The following FBXO38 variants were observed in gnomAD, a reference collection of about 807,000 sequenced individuals.
FBXO38 encodes the protein F-box only protein 38.
In FBXO38, 53 loss-of-function variants were observed where a neutral mutation model predicts 131.9. That is an observed-to-expected ratio of 0.40 (90% CI 0.32 to 0.51). The LOEUF (loss-of-function observed/expected upper bound fraction) is 0.51, where lower values mean the gene tolerates loss of function less well. FBXO38 is among the 20% of genes least tolerant of loss of function. The probability of loss-of-function intolerance (pLI) is 0.53; values close to 1 mark genes in which losing one functional copy is unlikely to be tolerated. For missense variants in FBXO38, 1,076 were observed against 1,475.6 expected (o/e 0.73, Z 4.44); for synonymous variants, 452 against 505.6 (o/e 0.89, Z 1.42).
At chr5:148,406,187 C>G in intron 6 of FBXO38, 70 bp from the exon 7 acceptor site, 1 of 1,398,190 alleles carries the variant, frequency 7.2e-7, no homozygotes, top group Non-Finnish European at 9.6e-7. Context: ...TTATACATGT[C>G]TTTCACTGAT....
chr5:148,400,098 GTA>G (rs1752056388), intron 3 of FBXO38, among the ~76,000 whole-genome samples: 4 of 151,674 alleles, frequency 2.6e-5, no homozygotes, highest in Admixed American at 6.6e-5. Flanking sequence ...GCTGGCCATA[GTA>G]GTTATCAATA....
intron 2 of FBXO38, among the ~76,000 whole-genome samples, chr5:148,396,359 C>T (rs1200570976): frequency 6.6e-6 from 1 of 152,054 alleles, no homozygotes; most frequent in African/African-American, 2.4e-5. Flanking sequence ...AACATAGGCT[C>T]CATTCAAATA....
chr5:148,406,183 A>G (rs548860474), intron 6 of FBXO38, 74 bp from the exon 7 acceptor site: 1 of 1,371,070 alleles, frequency 7.3e-7, no homozygotes, highest in South Asian at 1.5e-5. Flanking sequence ...TAAGTTATAC[A>G]TGTCTTTCAC....
chr5:148,385,276 TCTTTGTTTAAATGGCTGTGTGCCC>T (rs1757850686), intron 1 of FBXO38, among the ~76,000 whole-genome samples: 1 of 152,228 alleles, frequency 6.6e-6, no homozygotes, highest in Non-Finnish European at 1.5e-5. Flanking sequence ...TTTGTGTGCC[TCTTTGTTTAAATGGCTGTGTGCCC>T]AGAGGTACAC....
rs930259668 is a variant in FBXO38 at position 148,385,334 on chromosome 5, A to G, written c.-64+1295A>G. ...ACACTTTATATTTAGTCAAACAGAT[A>G]CTAATGCATAGCAGAGGAGAAAAAG... On this transcript the variant is annotated intron_variant, in intron 1 of 21. Coordinates refer to ENST00000340253, the MANE Select transcript of FBXO38 (RefSeq NM_205836.3). Among the ~76,000 whole-genome samples, 5 of 152,206 alleles carry G rather than the reference A, an allele frequency of 3.3e-5. No individual in the cohort carries two copies. In the East Asian group the frequency reaches 5.8e-4, roughly 18 times the overall value.
intron 12 of FBXO38, 78 bp from the exon 13 acceptor site, chr5:148,423,920 G>C (rs909307047): frequency 9.5e-6 from 13 of 1,374,804 alleles, no homozygotes; most frequent in Non-Finnish European, 1.2e-5. Context: ...TCAGTTCTTA[G>C]GGCGGCCACA....
At chr5:148,439,113 G>A (rs1754521865) in intron 18 of FBXO38, among the ~76,000 whole-genome samples, 1 of 152,036 alleles carries the variant, frequency 6.6e-6, no homozygotes, top group Non-Finnish European at 1.5e-5. Context: ...TTCCCTCAAG[G>A]AGTTTGCCTT....
intron 17 of FBXO38, among the ~76,000 whole-genome samples, chr5:148,437,194 C>G (rs1754390848): frequency 6.6e-6 from 1 of 152,238 alleles, no homozygotes; most frequent in Non-Finnish European, 1.5e-5. Flanking sequence ...AATTGTTTGG[C>G]TCAGCTTATC....
intron 9 of FBXO38, among the ~76,000 whole-genome samples, chr5:148,411,295 AC>A (rs1752736232): frequency 6.6e-6 from 1 of 152,168 alleles, no homozygotes; most frequent in Non-Finnish European, 1.5e-5. Context: ...GCATTTTCTT[AC>A]CCATTTACAA....
chr5:148,419,339 T>TAC (rs1554080769), intron 12 of FBXO38, among the ~76,000 whole-genome samples: 4 of 151,764 alleles, frequency 2.6e-5, no homozygotes, highest in East Asian at 3.9e-4. Flanking sequence ...TAAACATGTA[T>TAC]ACACACACAC....
In FBXO38 at chr5:148,419,389, G is replaced by T. The variant is rs573789267; in HGVS notation, c.1618+2185G>T. On this transcript the variant is annotated intron_variant, in intron 12 of 21. Coordinates refer to ENST00000340253, the MANE Select transcript of FBXO38 (RefSeq NM_205836.3). Reference sequence around the variant, plus strand: ...CATATAAGTTAGATTTTTTTTTCCCGCAAACTAAGGAACTAGAAAAAGACT... The same window carrying T: ...CATATAAGTTAGATTTTTTTTTCCCTCAAACTAAGGAACTAGAAAAAGACT... 4.6e-5 allele frequency among the ~76,000 whole-genome samples: 7 copies of T among 151,514 alleles called. No individual in the cohort carries two copies. In the East Asian group the frequency reaches 1.2e-3, roughly 25 times the overall value.
intron 2 of FBXO38, 103 bp downstream of exon 2, chr5:148,395,007 A>G: frequency 8.6e-7 from 1 of 1,161,990 alleles, no homozygotes; most frequent in Non-Finnish European, 1.2e-6. Flanking sequence ...CAGCATTTAC[A>G]TTTCAATTAA....
Position 148,427,440 on chromosome 5 carries a change from A to G in FBXO38, c.2146A>G (p.Ser716Gly), listed in dbSNP as rs150893158. Residue 716 changes from serine to glycine, a missense_variant, in exon 15 of 22, where the codon AGC (serine) becomes GGC (glycine). Coordinates refer to ENST00000340253, the MANE Select transcript of FBXO38 (RefSeq NM_205836.3). Reference sequence around the variant, plus strand: ...CACCGCCAGCACAGTGGGAAACTCCAGCTCACACAACACTGCTTCTCAAAG... The same window carrying G: ...CACCGCCAGCACAGTGGGAAACTCCGGCTCACACAACACTGCTTCTCAAAG... ...STTASTVGNS[S>G]SHNTASQSPD... is the part of the protein sequence containing the mutation. The G allele has an allele frequency of 5.6e-4, 912 of 1,614,202 alleles. 4 individuals carry two copies. The highest frequency in any genetic ancestry group is 4.8e-3 in the Middle Eastern group (29 of 6,062).
intron 12 of FBXO38, 111 bp downstream of exon 12, chr5:148,417,315 T>A: frequency 2.5e-6 from 2 of 792,228 alleles, no homozygotes; most frequent in Non-Finnish European, 4.2e-6. Context: ...ACTTTCCACA[T>A]TGAGGAAAGC....
At chr5:148,389,838 G>A (rs1328405682) in intron 1 of FBXO38, 3 of 152,218 alleles carry the variant, frequency 2.0e-5, no homozygotes, top group Non-Finnish European at 4.4e-5. Flanking sequence ...ATAGCAGTCT[G>A]GCCAACATGG....
chr5:148,402,228 G>A, intron 4 of FBXO38, 83 bp downstream of exon 4: 2 of 1,548,694 alleles, frequency 1.3e-6, no homozygotes, highest in Non-Finnish European at 1.8e-6. Flanking sequence ...TCACTCACAT[G>A]CAAATCTCAT....
chr5:148,438,571 T>C (rs1754485878), intron 18 of FBXO38, 73 bp downstream of exon 18: 1 of 1,511,134 alleles, frequency 6.6e-7, no homozygotes, highest in Non-Finnish European at 8.9e-7. Context: ...TGTTAGTCTT[T>C]AGCCTTTTGG....
At chr5:148,421,862 G>C (rs986349453) in intron 12 of FBXO38, among the ~76,000 whole-genome samples, 1 of 151,988 alleles carries the variant, frequency 6.6e-6, no homozygotes, top group African/African-American at 2.4e-5. Flanking sequence ...TAGCCCAAAG[G>C]CACCATCATC....
intron 15 of FBXO38, 142 bp downstream of exon 15, chr5:148,428,089 C>A: frequency 1.1e-6 from 1 of 900,940 alleles, no homozygotes; most frequent in Non-Finnish European, 1.6e-6. Context: ...GAATTTTGAA[C>A]TAATTTCAGC....
Sources: gnomAD v4.1 joint callset for allele counts (sites outside exome capture counted in the v4.1 genomes callset) on GRCh38, gnomAD v4.1.1 for gene constraint, MANE v1.5 for transcripts, NCBI Gene and HGNC (gene_info 2026-07-23, HGNC 2026-07-21) for gene names.